Variants in THRB observed in about 807,000 individuals in gnomAD.
THRB encodes the protein nuclear receptor subfamily 1 group A member 2.
THRB carries 12 observed loss-of-function variants against 47.8 expected under a neutral mutation model. The observed-to-expected ratio is 0.25, with a 90% CI of 0.16 to 0.41. The LOEUF is 0.41. THRB is among the 10% of genes least tolerant of loss of function. The pLI is 1.00. For missense variants in THRB, 348 were observed against 589.2 expected (o/e 0.59, Z 4.24); for synonymous variants, 218 against 212.2 (o/e 1.03, Z -0.24).
intron 4 of THRB, among the ~76,000 whole-genome samples, chr3:24,224,295 A>G (rs779116047): frequency 7.9e-5 from 12 of 152,222 alleles, no homozygotes; most frequent in Non-Finnish European, 1.5e-4. Context: ...TATTATGTTA[A>G]TAGCCTAATA....
At chr3:24,344,927 T>C (rs1331177392) in intron 1 of THRB, among the ~76,000 whole-genome samples, 1 of 152,106 alleles carries the variant, frequency 6.6e-6, no homozygotes, top group Non-Finnish European at 1.5e-5. Flanking sequence ...TCTGACTTTA[T>C]TCACCAATGT....
At chr3:24,221,352 T>TC (rs36123656) in intron 4 of THRB, among the ~76,000 whole-genome samples, 49,777 of 151,998 alleles carry the variant, frequency 0.33, 8,527 homozygotes, top group African/African-American at 0.41. Flanking sequence ...GGAAGATACA[T>TC]CCCCACATAA....
intron 2 of THRB, among the ~76,000 whole-genome samples, chr3:24,329,384 T>G (rs9812034): frequency 0.48 from 73,582 of 152,068 alleles, 19,594 homozygotes; most frequent in African/African-American, 0.69. Context: ...TGTAGACTCA[T>G]CTGAGGTATC....
chr3:24,175,714 A>T (rs1285624180), intron 5 of THRB, among the ~76,000 whole-genome samples: 1 of 151,976 alleles, frequency 6.6e-6, no homozygotes, highest in Non-Finnish European at 1.5e-5. Context: ...ATATCATGGC[A>T]TAAAAAAATG....
chr3:24,422,926 A>AT (rs2150310449), intron 1 of THRB, among the ~76,000 whole-genome samples: 1 of 151,976 alleles, frequency 6.6e-6, no homozygotes, highest in Non-Finnish European at 1.5e-5. Context: ...GGAGGAAGTG[A>AT]TGTTCTGGAT....
intron 1 of THRB, among the ~76,000 whole-genome samples, chr3:24,372,590 G>A (rs900123184): frequency 3.9e-5 from 6 of 151,944 alleles, no homozygotes; most frequent in Non-Finnish European, 5.9e-5. Flanking sequence ...AGTAATCCAG[G>A]GCTGTTCCTT....
chr3:24,377,669 T>G (rs2065392525), intron 1 of THRB, among the ~76,000 whole-genome samples: 1 of 152,184 alleles, frequency 6.6e-6, no homozygotes, highest in African/African-American at 2.4e-5. Flanking sequence ...TGCTACACTG[T>G]GACCCACAAT....
chr3:24,321,801 T>G (rs1294402724), intron 2 of THRB, among the ~76,000 whole-genome samples: 3 of 152,150 alleles, frequency 2.0e-5, no homozygotes, highest in Admixed American at 2.0e-4. Context: ...ACTTGCCTAG[T>G]TCAAATGAGA....
At chr3:24,416,086 A>G (rs2068709140) in intron 1 of THRB, among the ~76,000 whole-genome samples, 1 of 151,874 alleles carries the variant, frequency 6.6e-6, no homozygotes, top group Admixed American at 6.6e-5. Context: ...CAATTGTGAA[A>G]TTTCACGTCA....
At chr3:24,181,299 A>C (rs2041868573) in intron 5 of THRB, among the ~76,000 whole-genome samples, 1 of 151,654 alleles carries the variant, frequency 6.6e-6, no homozygotes, top group Non-Finnish European at 1.5e-5. Flanking sequence ...AGATTCATCT[A>C]TTTGATTTCT....
intron 4 of THRB, among the ~76,000 whole-genome samples, chr3:24,219,311 A>T (rs1399067135): frequency 6.6e-6 from 1 of 152,176 alleles, no homozygotes; most frequent in African/African-American, 2.4e-5. Context: ...ACAAAAACAA[A>T]AAAATAGGAT....
chr3:24,294,135 C>T (rs1264858118), intron 3 of THRB, among the ~76,000 whole-genome samples: 2 of 152,172 alleles, frequency 1.3e-5, no homozygotes, highest in South Asian at 2.1e-4. Context: ...CACTTTTATA[C>T]TCTTTTGGAA....
intron 1 of THRB, among the ~76,000 whole-genome samples, chr3:24,365,607 C>A (rs942952035): frequency 2.6e-5 from 4 of 152,118 alleles, no homozygotes; most frequent in African/African-American, 9.7e-5. Flanking sequence ...TAACTGCAAA[C>A]AGCAGCAGTC....
At chr3:24,373,749 A>T (rs1265995543) in intron 1 of THRB, among the ~76,000 whole-genome samples, 1 of 152,142 alleles carries the variant, frequency 6.6e-6, no homozygotes, top group Non-Finnish European at 1.5e-5. Context: ...GATGAACTGT[A>T]ACCTAGCTTA....
intron 1 of THRB, among the ~76,000 whole-genome samples, chr3:24,420,824 T>G (rs2069182096): frequency 6.6e-6 from 1 of 151,902 alleles, no homozygotes; most frequent in African/African-American, 2.4e-5. Flanking sequence ...GAAATACCAC[T>G]CAACTCAGCA....
chr3:24,280,984 G>A (rs2054526453), intron 3 of THRB, among the ~76,000 whole-genome samples: 1 of 152,180 alleles, frequency 6.6e-6, no homozygotes, highest in Non-Finnish European at 1.5e-5. Context: ...AAGTGATGGG[G>A]AGAATGGAAC....
At chr3:24,244,079 G>A (rs2049864485) in intron 3 of THRB, among the ~76,000 whole-genome samples, 1 of 152,124 alleles carries the variant, frequency 6.6e-6, no homozygotes, top group Admixed American at 6.6e-5. Context: ...CTGGGTGGTG[G>A]GGGTGAGGGA....
At chr3:24,211,342 A>G (rs1349459455) in intron 4 of THRB, among the ~76,000 whole-genome samples, 1 of 152,218 alleles carries the variant, frequency 6.6e-6, no homozygotes, top group African/African-American at 2.4e-5. Flanking sequence ...TGCACCTGGT[A>G]TTGATCACAA....
At chr3:24,286,514 G>A (rs532000618) in intron 3 of THRB, among the ~76,000 whole-genome samples, 1 of 152,154 alleles carries the variant, frequency 6.6e-6, no homozygotes, top group Non-Finnish European at 1.5e-5. Flanking sequence ...TAAGATTTCA[G>A]CCTCAACTGT....
Sources: gnomAD v4.1 joint callset for allele counts (sites outside exome capture counted in the v4.1 genomes callset) on GRCh38, gnomAD v4.1.1 for gene constraint, MANE v1.5 for transcripts, NCBI Gene and HGNC (gene_info 2026-07-23, HGNC 2026-07-21) for gene names.